The following DOK6 variants were observed in gnomAD, a reference collection of about 807,000 sequenced individuals.
The protein encoded by DOK6 is docking protein 6, also known as downstream of tyrosine kinase 6.
In DOK6, 22 loss-of-function variants were observed where a neutral mutation model predicts 44.0. That is an observed-to-expected ratio of 0.50 (90% CI 0.36 to 0.71). The LOEUF (loss-of-function observed/expected upper bound fraction) is 0.71. Ranked by LOEUF, DOK6 falls within the 30% of genes least tolerant of loss-of-function variation. The probability of loss-of-function intolerance (pLI) is 0.00; values close to 1 mark genes in which losing one functional copy is unlikely to be tolerated. For missense variants in DOK6, 340 were observed against 416.4 expected (o/e 0.82, Z 1.60); for synonymous variants, 166 against 145.5 (o/e 1.14, Z -1.01).
chr18:69,713,519 A>C (rs1285046976), intron 5 of DOK6, among the ~76,000 whole-genome samples: 2 of 152,202 alleles, frequency 1.3e-5, no homozygotes, highest in Non-Finnish European at 2.9e-5. Context: ...TTGCTGAGAT[A>C]CTAATGAGCT....
intron 7 of DOK6, among the ~76,000 whole-genome samples, chr18:69,801,250 T>C (rs776820442): frequency 1.8e-4 from 28 of 152,204 alleles, no homozygotes; most frequent in Non-Finnish European, 3.8e-4. Flanking sequence ...ATAATGGCTA[T>C]ATAGTATTCT....
intron 1 of DOK6, among the ~76,000 whole-genome samples, chr18:69,523,929 T>C (rs1981757764): frequency 2.0e-5 from 3 of 152,018 alleles, no homozygotes; most frequent in Admixed American, 6.6e-5. Context: ...AAATATTGAC[T>C]TGGAAATAGA....
chr18:69,413,342 G>A (rs1033636338), intron 1 of DOK6, among the ~76,000 whole-genome samples: 3 of 151,966 alleles, frequency 2.0e-5, no homozygotes, highest in Non-Finnish European at 4.4e-5. Flanking sequence ...TCCTAGCTTG[G>A]ACATTAGAGC....
At chr18:69,628,492 A>AATAT (rs150404944) in intron 3 of DOK6, among the ~76,000 whole-genome samples, 7 of 149,212 alleles carry the variant, frequency 4.7e-5, no homozygotes, top group South Asian at 4.2e-4. Context: ...TCTGTCTCAA[A>AATAT]ATATATATAT....
chr18:69,469,118 C>A (rs562334298), intron 1 of DOK6, among the ~76,000 whole-genome samples: 1 of 152,120 alleles, frequency 6.6e-6, no homozygotes, highest in Non-Finnish European at 1.5e-5. Flanking sequence ...ATAGTGACTT[C>A]AAAGTAACAT....
intron 1 of DOK6, among the ~76,000 whole-genome samples, chr18:69,505,290 A>G (rs928792773): frequency 2.6e-5 from 4 of 151,952 alleles, no homozygotes; most frequent in African/African-American, 4.8e-5. Context: ...TCCCTTACCT[A>G]TCAGTCTTTT....
chr18:69,760,177 A>ATTTTATTCTTCCTTCGTTCGGTTGT (rs1979498804), intron 7 of DOK6, among the ~76,000 whole-genome samples: 1 of 152,252 alleles, frequency 6.6e-6, no homozygotes, highest in Non-Finnish European at 1.5e-5. Flanking sequence ...CAAAACAAGT[A>ATTTTATTCTTCCTTCGTTCGGTTGT]GAGAGCAAGG....
At chr18:69,585,001 C>G (rs1483393478) in intron 2 of DOK6, among the ~76,000 whole-genome samples, 1 of 114,838 alleles carries the variant, frequency 8.7e-6, no homozygotes, top group African/African-American at 2.5e-5. Context: ...TCAAATGGAG[C>G]TTTTGTTTAG....
At chr18:69,521,446 T>TAAAA (rs74175371) in intron 1 of DOK6, among the ~76,000 whole-genome samples, 6 of 146,834 alleles carry the variant, frequency 4.1e-5, no homozygotes, top group South Asian at 2.1e-4. Flanking sequence ...TACAGTCATT[T>TAAAA]AAAAAAAAAA....
At chr18:69,722,247 A>G (rs1465343740) in intron 5 of DOK6, among the ~76,000 whole-genome samples, 1 of 152,234 alleles carries the variant, frequency 6.6e-6, no homozygotes, top group Non-Finnish European at 1.5e-5. Flanking sequence ...CTTTTAGTTC[A>G]TATTTATAAG....
At chr18:69,835,315 A>G (rs1286374620) in intron 7 of DOK6, among the ~76,000 whole-genome samples, 1 of 152,100 alleles carries the variant, frequency 6.6e-6, no homozygotes, top group East Asian at 1.9e-4. Flanking sequence ...TACAAAAAAA[A>G]TTAGTTGGGT....
chr18:69,521,832 A>G (rs1000321496), intron 1 of DOK6, among the ~76,000 whole-genome samples: 1 of 152,040 alleles, frequency 6.6e-6, no homozygotes, highest in African/African-American at 2.4e-5. Flanking sequence ...GTTGATGGAT[A>G]TGCTAATTAT....
In DOK6 at chr18:69,446,574, A is replaced by T. The variant is rs1017801801; in HGVS notation, c.66+45264A>T. On this transcript the variant is annotated intron_variant, in intron 1 of 7. Coordinates refer to ENST00000382713, the MANE Select transcript of DOK6 (RefSeq NM_152721.6). Reference sequence around the variant, plus strand: ...TATAATCCTTTGGGTATATACCCAGAAATGGGATGGCTGGGTCAAATGGTA... The same window carrying T: ...TATAATCCTTTGGGTATATACCCAGTAATGGGATGGCTGGGTCAAATGGTA... Among the ~76,000 whole-genome samples, 4 of 152,218 alleles carry T rather than the reference A, an allele frequency of 2.6e-5. No individual in the cohort carries two copies. The South Asian group carries it at 6.2e-4, about 24-fold the overall frequency.
chr18:69,604,605 T>A (rs997094396), intron 3 of DOK6, among the ~76,000 whole-genome samples: 2 of 152,204 alleles, frequency 1.3e-5, no homozygotes, highest in South Asian at 2.1e-4. Context: ...GTAGTTAAAG[T>A]GTTTGAGAAA....
intron 4 of DOK6, among the ~76,000 whole-genome samples, chr18:69,696,526 A>C (rs10871651): frequency 2.0e-5 from 3 of 152,040 alleles, no homozygotes; most frequent in Non-Finnish European, 2.9e-5. Context: ...GGAAAGGAAA[A>C]AATGTAAAGA....
chr18:69,659,187 A>T (rs1337259542), intron 3 of DOK6, among the ~76,000 whole-genome samples: 1 of 152,178 alleles, frequency 6.6e-6, no homozygotes, highest in African/African-American at 2.4e-5. Flanking sequence ...CCAGCATTTA[A>T]CCTTCATGGT....
intron 1 of DOK6, among the ~76,000 whole-genome samples, chr18:69,485,122 G>A (rs1980536664): frequency 6.6e-6 from 1 of 152,142 alleles, no homozygotes; most frequent in African/African-American, 2.4e-5. Flanking sequence ...TCTCTTCACA[G>A]TAGATCGTTT....
chr18:69,700,860 G>T (rs1231553926), intron 5 of DOK6, among the ~76,000 whole-genome samples: 1 of 152,148 alleles, frequency 6.6e-6, no homozygotes, highest in Non-Finnish European at 1.5e-5. Flanking sequence ...GGCAGGTAAG[G>T]CATGGCCAGT....
intron 1 of DOK6, among the ~76,000 whole-genome samples, chr18:69,552,099 A>C (rs1982580248): frequency 6.6e-6 from 1 of 152,174 alleles, no homozygotes; most frequent in Non-Finnish European, 1.5e-5. Flanking sequence ...ACTTTCCTGG[A>C]ACATAGTGAG....
Sources: gnomAD v4.1 joint callset for allele counts (sites outside exome capture counted in the v4.1 genomes callset) on GRCh38, gnomAD v4.1.1 for gene constraint, MANE v1.5 for transcripts, NCBI Gene and HGNC (gene_info 2026-07-23, HGNC 2026-07-21) for gene names.